The following TMEM232 variants were observed in gnomAD, a reference collection of about 807,000 sequenced individuals.
The protein encoded by TMEM232 is transmembrane protein 232.
TMEM232 carries 80 observed loss-of-function variants against 78.8 expected under a neutral mutation model. That is an observed-to-expected ratio of 1.01 (90% CI 0.85 to 1.22). The LOEUF (loss-of-function observed/expected upper bound fraction) is 1.22. Among genes scored for constraint, TMEM232 ranks in the 50% most tolerant of loss-of-function variants. TMEM232 has a pLI of 0.00. For synonymous variants in TMEM232, 297 were observed against 254.3 expected (o/e 1.17, Z -1.60); for missense variants, 881 against 742.2 (o/e 1.19, Z -2.17).
intron 3 of TMEM232, among the ~76,000 whole-genome samples, chr5:110,393,278 T>G (rs1433643805): frequency 6.6e-6 from 1 of 152,208 alleles, no homozygotes; most frequent in Non-Finnish European, 1.5e-5. Flanking sequence ...CCAACAATAA[T>G]TTTAGATTTT....
At chr5:110,582,363 A>G (rs1450729578) in intron 10 of TMEM232, among the ~76,000 whole-genome samples, 1 of 151,968 alleles carries the variant, frequency 6.6e-6, no homozygotes, top group Non-Finnish European at 1.5e-5. Flanking sequence ...TTATGGCAAC[A>G]TGTATGCAAC....
intron 2 of TMEM232, among the ~76,000 whole-genome samples, chr5:110,404,294 G>A (rs1347328338): frequency 6.6e-6 from 1 of 151,962 alleles, no homozygotes; most frequent in Non-Finnish European, 1.5e-5. Context: ...TGAGCCTACT[G>A]TGTTGTTAGG....
chr5:110,650,436 T>TA (rs750823675), intron 2 of TMEM232, among the ~76,000 whole-genome samples: 29 of 151,988 alleles, frequency 1.9e-4, no homozygotes, highest in Non-Finnish European at 2.4e-4. Flanking sequence ...TCACTCTCAG[T>TA]AAAAAAACAA....
At chr5:110,420,894 T>A in intron 13 of TMEM232, 138 bp from the exon 14 acceptor site, 1 of 1,166,750 alleles carries the variant, frequency 8.6e-7, no homozygotes, top group Non-Finnish European at 1.1e-6. Context: ...ATTTTATATC[T>A]ACCACACTGG....
At position 110,528,677 on chromosome 5, in the gene TMEM232, CA is replaced by C. The variant is rs1163367861; in HGVS notation, c.1613del (p.Leu538Ter). The C allele has an allele frequency of 3.6e-5, 55 of 1,534,868 alleles. No homozygotes were observed. In the African/African-American group the frequency reaches 5.6e-4, roughly 16 times the overall value. On this transcript the variant is annotated frameshift_variant, in exon 12 of 14. Coordinates refer to ENST00000455884, the MANE Select transcript of TMEM232 (RefSeq NM_001039763.4). LOFTEE classifies it high-confidence loss of function. ...FPPIEAHFLP[L>X]KKPSIKKDQT... ...GATCCTTTTTTATTGATGGTTTCTTCAAAGGAAGAAAATGGGCCTCAATGGG... is the reference window on the plus strand; with the variant it reads ...GATCCTTTTTTATTGATGGTTTCTTCAAGGAAGAAAATGGGCCTCAATGGG...
intron 12 of TMEM232, among the ~76,000 whole-genome samples, chr5:110,452,670 G>A (rs1003868565): frequency 2.6e-5 from 4 of 152,154 alleles, no homozygotes; most frequent in African/African-American, 7.2e-5. Context: ...ATATGAATGA[G>A]AAGAAATAGA....
At chr5:110,571,674 G>T (rs1317465554) in intron 10 of TMEM232, among the ~76,000 whole-genome samples, 5 of 149,656 alleles carry the variant, frequency 3.3e-5, no homozygotes, top group African/African-American at 9.8e-5. Flanking sequence ...TGTTTTTTTT[G>T]TTTGTTTGTT....
At chr5:110,680,179 A>T (rs1045757538) in intron 1 of TMEM232, among the ~76,000 whole-genome samples, 2 of 152,032 alleles carry the variant, frequency 1.3e-5, no homozygotes, top group Admixed American at 6.6e-5. Flanking sequence ...CAGGAGGATC[A>T]TCTGAGGTAG....
chr5:110,465,063 A>T (rs545622872), intron 12 of TMEM232, among the ~76,000 whole-genome samples: 4 of 152,316 alleles, frequency 2.6e-5, no homozygotes, highest in African/African-American at 9.6e-5. Context: ...TGGTCTAACA[A>T]ATCGACAAAG....
intron 8 of TMEM232, 109 bp downstream of exon 8, chr5:110,618,320 G>A (rs1265515509): frequency 1.5e-6 from 2 of 1,353,208 alleles, no homozygotes; most frequent in Non-Finnish European, 2.0e-6. Context: ...TTATAAATTT[G>A]TTTCATAGTC....
chr5:110,524,391 G>GA (rs1561623561), intron 12 of TMEM232, among the ~76,000 whole-genome samples: 25 of 62,642 alleles, frequency 4.0e-4, no homozygotes, highest in African/African-American at 2.2e-3. Context: ...AAGAAAGAAA[G>GA]AAAGAAAGAA....
At chr5:110,571,114 T>C (rs562977577) in intron 10 of TMEM232, among the ~76,000 whole-genome samples, 2 of 152,194 alleles carry the variant, frequency 1.3e-5, no homozygotes, top group East Asian at 3.9e-4. Flanking sequence ...TGAATCTCCA[T>C]GGCTAGCTAG....
chr5:110,417,973 C>T (rs1007093657), downstream of TMEM232: 4 of 152,078 alleles, frequency 2.6e-5, no homozygotes, highest in African/African-American at 4.8e-5. Flanking sequence ...TATTGTGCCC[C>T]CTCAAAAGTA....
chr5:110,664,839 A>G (rs1399714806), intron 2 of TMEM232, among the ~76,000 whole-genome samples: 1 of 152,190 alleles, frequency 6.6e-6, no homozygotes, highest in Non-Finnish European at 1.5e-5. Flanking sequence ...TCTATGCCCA[A>G]TTACCTCCCA....
intron 12 of TMEM232, among the ~76,000 whole-genome samples, chr5:110,449,495 A>G (rs1341927302): frequency 3.9e-5 from 6 of 152,184 alleles, no homozygotes; most frequent in African/African-American, 1.2e-4. Flanking sequence ...CATCCCTTTA[A>G]AAGAATTCCT....
At chr5:110,473,556 CCTA>C (rs1175541416) in intron 12 of TMEM232, among the ~76,000 whole-genome samples, 3 of 150,682 alleles carry the variant, frequency 2.0e-5, no homozygotes, top group Non-Finnish European at 4.4e-5. Context: ...AATGTATACA[CCTA>C]CTATGTACTC....
At chr5:110,428,953 T>G (rs1757537565) in intron 12 of TMEM232, among the ~76,000 whole-genome samples, 1 of 151,734 alleles carries the variant, frequency 6.6e-6, no homozygotes, top group Non-Finnish European at 1.5e-5. Context: ...AATAACTCAT[T>G]TCAGAAAATG....
chr5:110,661,782 CCT>C (rs1160655681), intron 2 of TMEM232, among the ~76,000 whole-genome samples: 2 of 152,276 alleles, frequency 1.3e-5, no homozygotes, highest in South Asian at 2.1e-4. Flanking sequence ...TAGGAGCATT[CCT>C]CTTTCTCCAC....
chr5:110,702,049 G>A (rs144042620), intron 1 of TMEM232, among the ~76,000 whole-genome samples: 1 of 151,990 alleles, frequency 6.6e-6, no homozygotes, highest in East Asian at 1.9e-4. Context: ...GGTTTAGCTG[G>A]CTACCCTAGC....
Sources: gnomAD v4.1 joint callset for allele counts (sites outside exome capture counted in the v4.1 genomes callset) on GRCh38, gnomAD v4.1.1 for gene constraint, MANE v1.5 for transcripts, NCBI Gene and HGNC (gene_info 2026-07-23, HGNC 2026-07-21) for gene names.